MECOM: variants seen among roughly 807,000 people sequenced by gnomAD.
The protein encoded by MECOM is histone-lysine N-methyltransferase MECOM.
A neutral mutation model predicts 116.3 loss-of-function variants in MECOM; 13 were observed. The ratio of observed to expected loss-of-function variants is 0.11; its 90% CI spans 0.07 to 0.18. MECOM has a LOEUF of 0.18. Ranked by LOEUF, MECOM falls within the 10% of genes least tolerant of loss-of-function variation. The pLI is 1.00. For missense variants in MECOM, 1,299 were observed against 1,509.0 expected (o/e 0.86, Z 2.31); for synonymous variants, 528 against 535.2 (o/e 0.99, Z 0.19).
At chr3:169,450,393 T>C (rs573125670) in intron 1 of MECOM, among the ~76,000 whole-genome samples, 1 of 152,246 alleles carries the variant, frequency 6.6e-6, no homozygotes, top group South Asian at 2.1e-4. Flanking sequence ...AAAGTTCTTG[T>C]TATTTTTTTT....
intron 2 of MECOM, among the ~76,000 whole-genome samples, chr3:169,287,528 A>G (rs1713577061): frequency 6.6e-6 from 1 of 152,192 alleles, no homozygotes; most frequent in Non-Finnish European, 1.5e-5. Flanking sequence ...AATTCCAGAG[A>G]AATGGGAATA....
intron 1 of MECOM, among the ~76,000 whole-genome samples, chr3:169,485,953 GTACATATATACTATATATACA>G (rs1301170629): frequency 9.6e-6 from 1 of 103,982 alleles, no homozygotes; most frequent in Admixed American, 1.1e-4. Flanking sequence ...ATGTATATAT[GTACATATATACTATATATACA>G]TATATATATA....
intron 2 of MECOM, among the ~76,000 whole-genome samples, chr3:169,193,060 G>A (rs368079412): frequency 6.6e-6 from 1 of 151,964 alleles, no homozygotes; most frequent in East Asian, 1.9e-4. Context: ...GAGCAGACAT[G>A]GGGTAAAAGT....
intron 2 of MECOM, among the ~76,000 whole-genome samples, chr3:169,364,040 C>A (rs74548954): frequency 0.048 from 7,353 of 151,892 alleles, 220 homozygotes; most frequent in East Asian, 0.1. Context: ...GTCTGTATTG[C>A]GTTTGCTGTG....
At chr3:169,319,966 A>G (rs551783429) in intron 2 of MECOM, among the ~76,000 whole-genome samples, 3 of 152,220 alleles carry the variant, frequency 2.0e-5, no homozygotes, top group Non-Finnish European at 4.4e-5. Context: ...ACCCCTTCAC[A>G]TGTTCAAAGG....
At chr3:169,360,477 A>G (rs1368689624) in intron 2 of MECOM, among the ~76,000 whole-genome samples, 1 of 151,748 alleles carries the variant, frequency 6.6e-6, no homozygotes, top group Non-Finnish European at 1.5e-5. Flanking sequence ...TTCTGCCCAG[A>G]AAGTCCCAGG....
At chr3:169,168,041 C>T (rs965288328) in intron 2 of MECOM, among the ~76,000 whole-genome samples, 11 of 151,776 alleles carry the variant, frequency 7.2e-5, no homozygotes, top group Admixed American at 4.6e-4. Flanking sequence ...TTTAAAAAGA[C>T]GTGAAAACAA....
chr3:169,157,655 C>T (rs1224640233), intron 2 of MECOM, among the ~76,000 whole-genome samples: 5 of 152,106 alleles, frequency 3.3e-5, no homozygotes, highest in Non-Finnish European at 7.4e-5. Flanking sequence ...TCTTCAACTT[C>T]AAATAAAATC....
intron 2 of MECOM, among the ~76,000 whole-genome samples, chr3:169,300,887 T>G (rs1716580987): frequency 2.0e-5 from 3 of 152,234 alleles, no homozygotes; most frequent in Admixed American, 6.5e-5. Context: ...TTATAGCCAC[T>G]CCAACACCTT....
chr3:169,282,374 G>T (rs190632086), intron 2 of MECOM, among the ~76,000 whole-genome samples: 2 of 152,200 alleles, frequency 1.3e-5, no homozygotes, highest in African/African-American at 2.4e-5. Context: ...CCTGAAGAAG[G>T]TATCCCCCCA....
At chr3:169,274,266 AT>A (rs1186974431) in intron 2 of MECOM, among the ~76,000 whole-genome samples, 1 of 152,148 alleles carries the variant, frequency 6.6e-6, no homozygotes, top group Non-Finnish European at 1.5e-5. Flanking sequence ...AGTCTGCCTG[AT>A]ATTCAATAGA....
intron 2 of MECOM, among the ~76,000 whole-genome samples, chr3:169,254,192 G>A (rs1756583638): frequency 6.6e-6 from 1 of 152,004 alleles, no homozygotes; most frequent in African/African-American, 2.4e-5. Flanking sequence ...GATGTCATTG[G>A]GAAGCAAAAT....
At chr3:169,291,056 T>C (rs1001159017) in intron 2 of MECOM, among the ~76,000 whole-genome samples, 3 of 152,352 alleles carry the variant, frequency 2.0e-5, no homozygotes, top group East Asian at 3.9e-4. Context: ...CTATCTCTGC[T>C]GAACTCCACT....
intron 2 of MECOM, among the ~76,000 whole-genome samples, chr3:169,326,328 T>C (rs1194775972): frequency 1.3e-5 from 2 of 152,128 alleles, no homozygotes; most frequent in Non-Finnish European, 2.9e-5. Flanking sequence ...CAGTATGTTA[T>C]TTGGAAAAGT....
intron 2 of MECOM, among the ~76,000 whole-genome samples, chr3:169,377,337 T>C (rs534681740): frequency 8.7e-6 from 1 of 114,374 alleles, no homozygotes; most frequent in Non-Finnish European, 1.9e-5. Context: ...GGGATCTAAT[T>C]AAAGAGCTTC....
At chr3:169,128,885 G>A (rs913674173) in intron 4 of MECOM, among the ~76,000 whole-genome samples, 1 of 152,110 alleles carries the variant, frequency 6.6e-6, no homozygotes, top group Admixed American at 6.6e-5. Flanking sequence ...CTTTTGAATA[G>A]CTTTCAGCCC....
intron 2 of MECOM, among the ~76,000 whole-genome samples, chr3:169,205,100 C>T (rs1421163217): frequency 6.6e-6 from 1 of 152,118 alleles, no homozygotes; most frequent in Non-Finnish European, 1.5e-5. Flanking sequence ...AATAGTATCT[C>T]GTTGACAAGA....
At chr3:169,172,487 C>A (rs1465908265) in intron 2 of MECOM, among the ~76,000 whole-genome samples, 3 of 150,536 alleles carry the variant, frequency 2.0e-5, no homozygotes, top group Non-Finnish European at 4.4e-5. Flanking sequence ...AAAAATTATC[C>A]CCCAATAAAC....
intron 1 of MECOM, among the ~76,000 whole-genome samples, chr3:169,498,447 A>C (rs1159408971): frequency 6.6e-6 from 1 of 152,206 alleles, no homozygotes; most frequent in Non-Finnish European, 1.5e-5. Context: ...ACAATACTAA[A>C]GGATGCTCGG....
Sources: gnomAD v4.1 joint callset for allele counts (sites outside exome capture counted in the v4.1 genomes callset) on GRCh38, gnomAD v4.1.1 for gene constraint, MANE v1.5 for transcripts, NCBI Gene and HGNC (gene_info 2026-07-23, HGNC 2026-07-21) for gene names.